The following SCFD1 variants were observed in gnomAD, a reference collection of about 807,000 sequenced individuals.
The protein encoded by SCFD1 is sec1 family domain containing 1.
SCFD1 carries 37 observed loss-of-function variants against 103.2 expected under a neutral mutation model. The observed-to-expected ratio is 0.36, with a 90% CI of 0.28 to 0.47. SCFD1 has a LOEUF of 0.47. SCFD1 is among the 20% of genes least tolerant of loss of function. The pLI is 1.00. For synonymous variants in SCFD1, 264 were observed against 245.0 expected, an observed-to-expected ratio of 1.08 and a Z score of -0.73; for missense variants, 639 against 761.2, an observed-to-expected ratio of 0.84 and a Z score of 1.89.
At chr14:30,711,695 G>A (rs1162759426) in intron 19 of SCFD1, among the ~76,000 whole-genome samples, 2 of 151,986 alleles carry the variant, frequency 1.3e-5, no homozygotes, top group African/African-American at 2.4e-5. Context: ...TGTTAATTAT[G>A]TAATATTATA....
intron 10 of SCFD1, among the ~76,000 whole-genome samples, chr14:30,663,597 A>G (rs1358402833): frequency 6.6e-6 from 1 of 152,174 alleles, no homozygotes; most frequent in African/African-American, 2.4e-5. Flanking sequence ...TCGTCATTCC[A>G]ACCATTTATT....
At chr14:30,656,107 C>A (rs963036603) in intron 10 of SCFD1, among the ~76,000 whole-genome samples, 4 of 151,148 alleles carry the variant, frequency 2.6e-5, no homozygotes, top group Non-Finnish European at 5.9e-5. Context: ...AGAGTAAAGA[C>A]CCTGTCTCAA....
rs900996848 is a variant in SCFD1, at chr14:30,714,431, A to G, written c.1630-1493A>G. Among the ~76,000 whole-genome samples the G allele has an allele frequency of 3.2e-4, 48 of 151,782 alleles. 1 individual carries two copies. The highest frequency in any genetic ancestry group is 5.7e-4 in the Non-Finnish European group (39 of 67,948). ...AAAATTCTGAATAGTATTCAGAAGT[A>G]TATTCAGACAGCTTGAACATTTGAT... On this transcript the variant is annotated intron_variant, in intron 19 of 24. Coordinates refer to ENST00000458591, the MANE Select transcript of SCFD1 (RefSeq NM_016106.4).
At chr14:30,702,243 A>G in intron 16 of SCFD1, 53 bp from the exon 17 acceptor site, 1 of 1,170,118 alleles carries the variant, frequency 8.5e-7, no homozygotes, top group East Asian at 2.4e-5. Context: ...GCAACAAATA[A>G]CATCTTTCTT....
intron 1 of SCFD1, among the ~76,000 whole-genome samples, chr14:30,624,766 A>G (rs986894936): frequency 1.3e-4 from 20 of 152,208 alleles, no homozygotes; most frequent in Non-Finnish European, 2.5e-4. Context: ...ACAGTGTTCT[A>G]CAAGGCTTTA....
chr14:30,734,638 A>G (rs796980671), intron 23 of SCFD1, 152 bp from the exon 24 acceptor site: 22 of 623,190 alleles, frequency 3.5e-5, no homozygotes, highest in African/African-American at 1.7e-4. Flanking sequence ...ATTTCATGCA[A>G]TTTTAGGTAG....
chr14:30,694,029 A>G (rs1015905954), intron 14 of SCFD1, among the ~76,000 whole-genome samples: 1 of 152,228 alleles, frequency 6.6e-6, no homozygotes, highest in Admixed American at 6.5e-5. Context: ...ACTTCAAGAT[A>G]TTAAATAGGA....
chr14:30,694,664 A>T, intron 14 of SCFD1, 109 bp from the exon 15 acceptor site: 1 of 1,378,802 alleles, frequency 7.3e-7, no homozygotes. Flanking sequence ...CCTGTCTGAA[A>T]GAACATATCT....
intron 23 of SCFD1, among the ~76,000 whole-genome samples, chr14:30,728,979 G>C (rs942475655): frequency 5.9e-5 from 9 of 151,842 alleles, no homozygotes; most frequent in Admixed American, 5.9e-4. Context: ...CAAGTAACTG[G>C]GATTACAGGT....
At chr14:30,635,959 A>G (rs1410457607) in intron 4 of SCFD1, among the ~76,000 whole-genome samples, 2 of 152,162 alleles carry the variant, frequency 1.3e-5, no homozygotes, top group Admixed American at 1.3e-4. Context: ...AATAGGTTTG[A>G]AGTGGCATCT....
intron 20 of SCFD1, 114 bp downstream of exon 20, chr14:30,716,091 T>C: frequency 1.4e-6 from 1 of 702,166 alleles, no homozygotes; most frequent in Non-Finnish European, 2.5e-6. Flanking sequence ...GCAGAATACA[T>C]GAGGAAAAGG....
chr14:30,666,318 C>CAAAAT (rs1887964113), intron 10 of SCFD1, among the ~76,000 whole-genome samples: 1 of 149,464 alleles, frequency 6.7e-6, no homozygotes, highest in African/African-American at 2.4e-5. Context: ...GGGTAAATAA[C>CAAAAT]GAAGGCAGAA....
At chr14:30,700,382 A>G in intron 16 of SCFD1, 124 bp downstream of exon 16, 1 of 730,602 alleles carries the variant, frequency 1.4e-6, no homozygotes, top group Non-Finnish European at 2.3e-6. Flanking sequence ...CTTTCTTTAA[A>G]AGAAAAATGG....
At chr14:30,639,666 T>G in intron 5 of SCFD1, 111 bp from the exon 6 acceptor site, 1 of 1,132,556 alleles carries the variant, frequency 8.8e-7, no homozygotes, top group South Asian at 1.8e-5. Flanking sequence ...TTATTGAATG[T>G]AATTAGGATT....
intron 11 of SCFD1, among the ~76,000 whole-genome samples, chr14:30,672,676 A>G (rs1888666315): frequency 6.6e-6 from 1 of 152,184 alleles, no homozygotes; most frequent in African/African-American, 2.4e-5. Flanking sequence ...AGTCTATGTA[A>G]GTTACTGCTA....
chr14:30,634,092 C>A, intron 4 of SCFD1, 55 bp downstream of exon 4: 3 of 1,039,142 alleles, frequency 2.9e-6, no homozygotes, highest in Non-Finnish European at 4.3e-6. Context: ...ATTTTTTTTT[C>A]AAGAAAAATT....
chr14:30,719,658 A>G (rs931882367), intron 21 of SCFD1, among the ~76,000 whole-genome samples: 1 of 152,114 alleles, frequency 6.6e-6, no homozygotes, highest in Non-Finnish European at 1.5e-5. Flanking sequence ...GGGTGAGGGA[A>G]ATTTCGATAA....
At chr14:30,658,155 G>C in intron 10 of SCFD1, 1 of 447,144 alleles carries the variant, frequency 2.2e-6, no homozygotes, top group South Asian at 1.6e-5. Flanking sequence ...TTTTATCTCT[G>C]TTTTTTTACT....
intron 21 of SCFD1, 95 bp from the exon 22 acceptor site, chr14:30,721,789 T>C: frequency 3.0e-6 from 3 of 1,008,440 alleles, no homozygotes; most frequent in Non-Finnish European, 4.6e-6. Context: ...TGTAAATACT[T>C]ACCTAATAGT....
Sources: allele counts gnomAD v4.1 joint callset (sites outside exome capture counted in the v4.1 genomes callset), GRCh38; gene constraint gnomAD v4.1.1; transcripts MANE v1.5; gene names NCBI Gene and HGNC (gene_info 2026-07-23, HGNC 2026-07-21).